The following ZAP70 variants were observed in gnomAD, a reference collection of about 807,000 sequenced individuals.
ZAP70 encodes the protein zeta chain of T cell receptor associated protein kinase 70, also known as tyrosine-protein kinase ZAP-70.
Under a neutral mutation model 65.8 loss-of-function variants are expected in ZAP70, and 27 were observed. The observed-to-expected ratio is 0.41, with a 90% CI of 0.30 to 0.57. The LOEUF (loss-of-function observed/expected upper bound fraction) is 0.57. Among genes scored for constraint, ZAP70 ranks in the 20% least tolerant of loss-of-function variants. The probability of loss-of-function intolerance (pLI) is 0.28; values close to 1 mark genes in which losing one functional copy is unlikely to be tolerated. For missense variants in ZAP70, 696 were observed against 870.5 expected (o/e 0.80, Z 2.52); for synonymous variants, 363 against 360.8 (o/e 1.01, Z -0.07).
In ZAP70 at chr2:97,739,468, C is replaced by G; in HGVS notation, c.1830C>G (p.Ser610Arg). 2 of 1,613,584 alleles carry G rather than the reference C, an allele frequency of 1.2e-6. No individual in the cohort carries two copies. Among genetic ancestry groups the G allele is most frequent in the South Asian group, 2.2e-5 (2 of 91,070 alleles). ...GCAAGGTGGAAGGGCCCCCAGGCAG[C>G]ACACAGAAGGCTGAGGCTGCCTGTG... Reference protein sequence around the residue: ...LASKVEGPPGSTQKAEAACA With the variant: ...LASKVEGPPGRTQKAEAACA Residue 610 changes from serine to arginine, a missense_variant, in exon 14 of 14, where the codon AGC becomes AGG. Around this residue, in one of 3 missense-constraint regions of ZAP70, gnomAD observed 78 missense variants for 88.6 expected, o/e 0.88. Coordinates refer to ENST00000264972, the MANE Select transcript of ZAP70 (RefSeq NM_001079.4).
rs1159182014 is a variant in ZAP70 at position 97,729,615 on chromosome 2, T to C, written c.564-3268T>C. 2.0e-5 allele frequency among the ~76,000 whole-genome samples: 3 copies of C among 152,310 alleles called. No homozygotes were observed. In the East Asian group the frequency reaches 5.8e-4, roughly 29 times the overall value. ...CAGAGACAGATGTAGCTCTTATAGG[T>C]TCTATGTATTATTTTAAGAGCAGAG... is the stretch of plus-strand genomic sequence containing the variant. On this transcript the variant is annotated intron_variant, in intron 4 of 13. Coordinates refer to ENST00000264972, the MANE Select transcript of ZAP70 (RefSeq NM_001079.4).
At chr2:97,728,789 G>A (rs938955133) in intron 4 of ZAP70, among the ~76,000 whole-genome samples, 5 of 152,194 alleles carry the variant, frequency 3.3e-5, no homozygotes, top group Non-Finnish European at 5.9e-5. Flanking sequence ...GTCTTGCTCT[G>A]TCACCCAGGC....
chr2:97,718,281 C>T (rs1354580217), intron 2 of ZAP70, among the ~76,000 whole-genome samples: 1 of 152,140 alleles, frequency 6.6e-6, no homozygotes, highest in African/African-American at 2.4e-5. Flanking sequence ...TGGGGTCACC[C>T]CGGGGAGCTC....
At chr2:97,749,004 CTTTTTTTTT>C in the ZAP70 span, among the ~76,000 whole-genome samples, 1 of 114,992 alleles carries the variant, frequency 8.7e-6, no homozygotes, top group East Asian at 2.9e-4. Context: ...TGACACTTCC[CTTTTTTTTT>C]TTTTTTTTTT....
rs1467042851 is a variant in ZAP70, at chr2:97,724,239, C to G, written c.203C>G (p.Thr68Ser). 8.1e-6 allele frequency: 13 copies of G among 1,604,508 alleles called. No homozygotes were observed. Among genetic ancestry groups the G allele is most frequent in the Non-Finnish European group, 1.1e-5 (13 of 1,177,364 alleles). ...HFPIERQLNG[T>S]YAIAGGKAHC... ...CCCATCGAGCGCCAGCTCAACGGCA[C>G]CTACGCCATTGCCGGCGGCAAAGCG... Residue 68 changes from threonine to serine, a missense_variant, in exon 3 of 14, where the codon ACC (threonine) becomes AGC (serine). Coordinates refer to ENST00000264972, the MANE Select transcript of ZAP70 (RefSeq NM_001079.4).
downstream of ZAP70, among the ~76,000 whole-genome samples, chr2:97,744,415 G>A (rs1573297558): frequency 1.3e-5 from 2 of 152,242 alleles, no homozygotes; most frequent in Admixed American, 1.3e-4. Context: ...AGACCTCAGG[G>A]AGGTTACTTA....
chr2:97,720,479 C>T (rs575579561), intron 2 of ZAP70, among the ~76,000 whole-genome samples: 3 of 151,958 alleles, frequency 2.0e-5, no homozygotes, highest in African/African-American at 7.2e-5. Flanking sequence ...ATCCGCCTGC[C>T]TCGGCCTCCC....
intron 2 of ZAP70, among the ~76,000 whole-genome samples, chr2:97,720,061 C>T (rs1239998153): frequency 6.6e-6 from 1 of 152,172 alleles, no homozygotes; most frequent in Non-Finnish European, 1.5e-5. Flanking sequence ...AGGCATGTCC[C>T]ACAGTGTATC....
intron 4 of ZAP70, chr2:97,732,663 C>T: frequency 1.5e-6 from 1 of 645,690 alleles, no homozygotes; most frequent in Admixed American, 2.9e-5. Context: ...GTGCATTTTC[C>T]TGGGAACACA....
intron 2 of ZAP70, among the ~76,000 whole-genome samples, chr2:97,716,913 G>C (rs748905542): frequency 2.6e-5 from 4 of 152,222 alleles, no homozygotes; most frequent in Non-Finnish European, 5.9e-5. Flanking sequence ...CTGCTTTCCG[G>C]AGGAGGTCTG....
rs1350091324 is a variant in ZAP70 at position 97,724,291 on chromosome 2, G to A, written c.255G>A (p.Glu85=). ...ACTGTGGACCGGCAGAGCTCTGCGA[G>A]TTCTACTCGCGCGACCCCGACGGGC... ...KAHCGPAELC[E]FYSRDPDGLP... Residue 85 remains glutamate, a synonymous_variant, in exon 3 of 14, where the codon GAG becomes GAA. Transcript: ENST00000264972. 6.3e-7 allele frequency: 1 copy of A among 1,598,768 alleles called. No homozygotes were observed. The highest frequency in any genetic ancestry group is 1.7e-5 in the Admixed American group (1 of 59,520).
chr2:97,739,529 C>G lies in ZAP70; in HGVS notation c.*31C>G. On this transcript the variant is annotated 3_prime_UTR_variant, in exon 14 of 14. Transcript: ENST00000264972. The stretch of plus-strand genomic sequence containing the variant: ...CGCTGCCCAGGGGAGCCCTCCACGC[C>G]GGCTCTTCCCCACCCTCAGCCCCAC... 1 of 1,604,088 alleles carries G rather than the reference C, an allele frequency of 6.2e-7. No individual in the cohort carries two copies. Among genetic ancestry groups the G allele is most frequent in the South Asian group, 1.1e-5 (1 of 89,864 alleles).
chr2:97,720,493 G>T (rs1287455147), intron 2 of ZAP70, among the ~76,000 whole-genome samples: 1 of 150,844 alleles, frequency 6.6e-6, no homozygotes, highest in Non-Finnish European at 1.5e-5. Flanking sequence ...GCCTCCCAAA[G>T]TGTGGGCCAC....
Position 97,734,727 on chromosome 2 carries a change from G to T in ZAP70, c.1082+15G>T. 1 of 1,612,838 alleles carries T rather than the reference G, an allele frequency of 6.2e-7. No individual in the cohort carries two copies. The highest frequency in any genetic ancestry group is 8.5e-7 in the Non-Finnish European group (1 of 1,179,848). On this transcript the variant is annotated intron_variant, in intron 9 of 13. Transcript: ENST00000264972. Reference sequence around the variant, plus strand: ...CGCATGCGCAAGTATGGCCGCCCCTGCCGTGGTGGGAGCACCGCCGCCTGG... The same window carrying T: ...CGCATGCGCAAGTATGGCCGCCCCTTCCGTGGTGGGAGCACCGCCGCCTGG...
In ZAP70 at chr2:97,736,380, G is replaced by A. The variant is rs183636993; in HGVS notation, c.1289+924G>A. ...TTTTGCTGATCTGTGCCCTCTGGCT[G>A]GTGCACACACCTTCCCAGTGTGCCC... On this transcript the variant is annotated intron_variant, in intron 10 of 13. Coordinates refer to ENST00000264972, the MANE Select transcript of ZAP70 (RefSeq NM_001079.4). The surrounding 1 kb of genome is among the most constrained non-coding windows in gnomAD (Gnocchi z 4.0). Among the ~76,000 whole-genome samples, 1 of 152,298 alleles carries A rather than the reference G, an allele frequency of 6.6e-6. No homozygotes were observed. Among genetic ancestry groups the A allele is most frequent in the African/African-American group, 2.4e-5 (1 of 41,558 alleles).
intron 4 of ZAP70, among the ~76,000 whole-genome samples, chr2:97,730,708 A>G (rs2104680692): frequency 6.6e-6 from 1 of 152,300 alleles, no homozygotes; most frequent in African/African-American, 2.4e-5. Context: ...CCAGTATTCC[A>G]CATGGAAGTT....
the ZAP70 span, among the ~76,000 whole-genome samples, chr2:97,755,766 T>G: frequency 1.3e-5 from 2 of 152,208 alleles, no homozygotes; most frequent in Non-Finnish European, 2.9e-5. Context: ...CTTCTCTCCT[T>G]TTCTGTCTTC....
At position 97,731,147 on chromosome 2, in the gene ZAP70, G is replaced by C. The variant is rs919508769; in HGVS notation, c.564-1736G>C. 6.6e-6 allele frequency among the ~76,000 whole-genome samples: 1 copy of C among 151,756 alleles called. No homozygotes were observed. Among genetic ancestry groups the C allele is most frequent in the Non-Finnish European group, 1.5e-5 (1 of 67,964 alleles). On this transcript the variant is annotated intron_variant, in intron 4 of 13. Coordinates refer to ENST00000264972, the MANE Select transcript of ZAP70 (RefSeq NM_001079.4). The surrounding 1 kb of genome is among the most constrained non-coding windows in gnomAD (Gnocchi z 4.0). ...GCTTGGCATGGAGTCTCTGTTGTCA[G>C]TTTAAAACTTCAGGTTGTGACCCTT... is the stretch of plus-strand genomic sequence containing the variant.
At chr2:97,714,163 T>C (rs12466903) in intron 2 of ZAP70, among the ~76,000 whole-genome samples, 169 bp downstream of exon 2, 6,484 of 152,240 alleles carry the variant, frequency 0.043, 172 homozygotes, top group South Asian at 0.13. Context: ...CAGACGGGGC[T>C]TGTGGCCACG....
Sources: allele counts gnomAD v4.1 joint callset (sites outside exome capture counted in the v4.1 genomes callset), GRCh38; gene constraint gnomAD v4.1.1; regional missense constraint gnomAD v4.1.1; non-coding constraint Gnocchi (gnomAD v3.1); transcripts MANE v1.5; gene names NCBI Gene and HGNC (gene_info 2026-07-23, HGNC 2026-07-21).